CRYBG3: variants seen among roughly 807,000 people sequenced by gnomAD.
CRYBG3 encodes the protein very large A-kinase anchor protein.
A neutral mutation model predicts 244.2 loss-of-function variants in CRYBG3; 127 were observed. The ratio of observed to expected loss-of-function variants is 0.52; its 90% CI spans 0.45 to 0.60. The LOEUF (loss-of-function observed/expected upper bound fraction) is 0.60. Among genes scored for constraint, CRYBG3 ranks in the 20% least tolerant of loss-of-function variants. The pLI is 0.00. For synonymous variants in CRYBG3, 1,132 were observed against 1,195.8 expected, an observed-to-expected ratio of 0.95 and a Z score of 1.10; for missense variants, 3,325 against 3,442.5, an observed-to-expected ratio of 0.97 and a Z score of 0.85.
intron 7 of CRYBG3, among the ~76,000 whole-genome samples, chr3:97,886,400 T>C (rs1576544430): frequency 6.6e-6 from 1 of 152,208 alleles, no homozygotes; most frequent in Admixed American, 6.5e-5. Context: ...AGCAGAAACA[T>C]TGAGACAATA....
At chr3:97,862,797 AAAT>A (rs2039170077) in intron 2 of CRYBG3, among the ~76,000 whole-genome samples, 1 of 152,076 alleles carries the variant, frequency 6.6e-6, no homozygotes, top group Admixed American at 6.6e-5. Flanking sequence ...GTGACATTCT[AAAT>A]GTAGAGGCTC....
At chr3:97,859,737 A>G (rs2039119028) in intron 2 of CRYBG3, among the ~76,000 whole-genome samples, 1 of 151,940 alleles carries the variant, frequency 6.6e-6, no homozygotes, top group African/African-American at 2.4e-5. Flanking sequence ...CTTTCACTTT[A>G]CTGAGGTCAG....
Position 97,936,924 on chromosome 3 carries a change from C to A in CRYBG3, c.8505+16C>A. 1 of 1,605,514 alleles carries A rather than the reference C, an allele frequency of 6.2e-7. No homozygotes were observed. Among genetic ancestry groups the A allele is most frequent in the Non-Finnish European group, 8.5e-7 (1 of 1,176,850 alleles). Reference sequence around the variant, plus strand: ...TATGAAGCAGGTAAGGAGAAAAGAACCATAAGATTCCAAATAGCTTGCTTT... The same window carrying A: ...TATGAAGCAGGTAAGGAGAAAAGAAACATAAGATTCCAAATAGCTTGCTTT... On this transcript the variant is annotated intron_variant, in intron 19 of 21. Coordinates refer to ENST00000389622, the MANE Select transcript of CRYBG3 (RefSeq NM_153605.4).
rs945380712 is a variant in CRYBG3, at chr3:97,862,550, C to CA, written c.217-1661dup. ...AAGTTACAATAAACCAAATTGTTAACAAAAAATGTATATCTTTCATATAAA... is the reference window on the plus strand; with the variant it reads ...AAGTTACAATAAACCAAATTGTTAACAAAAAAATGTATATCTTTCATATAAA... On this transcript the variant is annotated intron_variant, in intron 2 of 21. Transcript: ENST00000389622. Among the ~76,000 whole-genome samples the CA allele has an allele frequency of 3.3e-5, 5 of 152,146 alleles. No individual in the cohort carries two copies. In the East Asian group the frequency reaches 9.7e-4, roughly 29 times the overall value.
At chr3:97,880,673 A>T (rs1024121175) in intron 6 of CRYBG3, among the ~76,000 whole-genome samples, 13 of 152,202 alleles carry the variant, frequency 8.5e-5, no homozygotes, top group Non-Finnish European at 1.9e-4. Context: ...TCTCGTCTTC[A>T]TATAATAAAA....
At chr3:97,834,510 A>G (rs1269011732) in intron 1 of CRYBG3, among the ~76,000 whole-genome samples, 1 of 152,172 alleles carries the variant, frequency 6.6e-6, no homozygotes, top group African/African-American at 2.4e-5. Context: ...TATGCTTCTT[A>G]TGACAAAGAA....
In CRYBG3 at chr3:97,872,382, A is replaced by G; in HGVS notation, c.1188A>G (p.Pro396=). 2.6e-6 allele frequency: 4 copies of G among 1,535,954 alleles called. No homozygotes were observed. The highest frequency in any genetic ancestry group is 3.5e-6 in the Non-Finnish European group (4 of 1,146,804). The change falls in exon 4 of 22, where the codon CCA becomes CCG. Residue 396 remains proline, a synonymous_variant. Coordinates refer to ENST00000389622, the MANE Select transcript of CRYBG3 (RefSeq NM_153605.4). ...GSNHRKVPCS[P]DFQRVTTTEN... is the part of the protein sequence containing the mutation. ...ACCATCGCAAAGTCCCTTGCAGCCC[A>G]GATTTTCAGAGAGTAACTACAACAG...
At chr3:97,871,413 TAGA>T (rs769185029) in intron 3 of CRYBG3, among the ~76,000 whole-genome samples, 2 of 152,190 alleles carry the variant, frequency 1.3e-5, no homozygotes, top group African/African-American at 2.4e-5. Flanking sequence ...AGTAAAGGAA[TAGA>T]AGGTCATTAT....
Position 97,877,016 on chromosome 3 carries a change from A to G in CRYBG3, c.5822A>G (p.Tyr1941Cys). ...GAATCCCCTACATTAAGTAAGGATTATGAGGGCTACCCAGCCCCAGCAATG... is the reference window on the plus strand; with the variant it reads ...GAATCCCCTACATTAAGTAAGGATTGTGAGGGCTACCCAGCCCCAGCAATG... ...GYESPTLSKD[Y>C]EGYPAPAMPD... The change falls in exon 4 of 22, where the codon TAT (tyrosine) becomes TGT (cysteine). Residue 1941 changes from tyrosine to cysteine, a missense_variant. By Grantham distance (194) the Tyr-to-Cys change is radical. This residue lies in a region of CRYBG3 where 450 missense variants were observed against 424.1 expected (regional missense o/e 1.06). Coordinates refer to ENST00000389622, the MANE Select transcript of CRYBG3 (RefSeq NM_153605.4). The G allele has an allele frequency of 6.4e-7, 1 of 1,555,580 alleles. No homozygotes were observed. Among genetic ancestry groups the G allele is most frequent in the Non-Finnish European group, 8.7e-7 (1 of 1,153,850 alleles).
intron 14 of CRYBG3, among the ~76,000 whole-genome samples, chr3:97,899,858 TAA>T (rs1436384993): frequency 6.6e-6 from 1 of 152,200 alleles, no homozygotes. Flanking sequence ...TGTAGAACAA[TAA>T]GAGTGCCCAT....
At chr3:97,869,393 C>A (rs906427870) in intron 3 of CRYBG3, among the ~76,000 whole-genome samples, 2 of 151,918 alleles carry the variant, frequency 1.3e-5, no homozygotes, top group Non-Finnish European at 2.9e-5. Context: ...CATTTTTTTC[C>A]ATATTGCATG....
chr3:97,885,014 TG>T (rs961416175), intron 7 of CRYBG3, among the ~76,000 whole-genome samples: 2 of 152,092 alleles, frequency 1.3e-5, no homozygotes, highest in African/African-American at 2.4e-5. Context: ...CTCAGATCCC[TG>T]GGGGGACATT....
chr3:97,915,338 C>T (rs112609333), intron 16 of CRYBG3, among the ~76,000 whole-genome samples: 159 of 152,186 alleles, frequency 1.0e-3, no homozygotes, highest in African/African-American at 3.4e-3. Flanking sequence ...CTTTTGCTGC[C>T]TATAAAAATG....
chr3:97,940,647 T>C (rs1309761153), intron 19 of CRYBG3, among the ~76,000 whole-genome samples: 4 of 152,100 alleles, frequency 2.6e-5, no homozygotes, highest in Non-Finnish European at 4.4e-5. Flanking sequence ...GAAATAAAGG[T>C]CTTATATAAA....
chr3:97,860,782 G>T (rs540759027), intron 2 of CRYBG3, among the ~76,000 whole-genome samples: 1 of 152,106 alleles, frequency 6.6e-6, no homozygotes, highest in East Asian at 1.9e-4. Context: ...CTCTTTCACT[G>T]GTTTCTTCTT....
chr3:97,911,551 A>G (rs775042039), intron 15 of CRYBG3, among the ~76,000 whole-genome samples: 2 of 152,232 alleles, frequency 1.3e-5, no homozygotes, highest in Non-Finnish European at 2.9e-5. Context: ...AAGCTGAAAT[A>G]CATAACACAG....
At chr3:97,928,499 C>G (rs182518028) in intron 17 of CRYBG3, among the ~76,000 whole-genome samples, 52 of 151,974 alleles carry the variant, frequency 3.4e-4, no homozygotes, top group African/African-American at 1.2e-3. Flanking sequence ...CATGAAACCC[C>G]TGTGACATGC....
chr3:97,867,905 G>A (rs2039254263), intron 3 of CRYBG3, among the ~76,000 whole-genome samples: 1 of 152,130 alleles, frequency 6.6e-6, no homozygotes, highest in South Asian at 2.1e-4. Context: ...TCCACCTTCA[G>A]CTTATTATTA....
chr3:97,923,552 G>A lies in CRYBG3; in HGVS notation c.8241+7816G>A, dbSNP rs150300695. Among the ~76,000 whole-genome samples, 324 of 151,602 alleles carry A rather than the reference G, an allele frequency of 2.1e-3. 1 individual carries two copies. Among genetic ancestry groups the A allele is most frequent in the African/African-American group, 7.3e-3 (302 of 41,334 alleles). ...GTCTCCCTATTACCACTACTATTCGGTATTCTGAAGTTCTATCTAATAAAA... is the reference window on the plus strand; with the variant it reads ...GTCTCCCTATTACCACTACTATTCGATATTCTGAAGTTCTATCTAATAAAA... On this transcript the variant is annotated intron_variant, in intron 17 of 21. Transcript: ENST00000389622.
Sources: allele counts gnomAD v4.1 joint callset (sites outside exome capture counted in the v4.1 genomes callset), GRCh38; gene constraint gnomAD v4.1.1; regional missense constraint gnomAD v4.1.1; transcripts MANE v1.5; gene names NCBI Gene and HGNC (gene_info 2026-07-23, HGNC 2026-07-21).